Variants in ALK observed in about 807,000 individuals in gnomAD.
The protein encoded by ALK is ALK tyrosine kinase receptor.
In ALK, 74 loss-of-function variants were observed where a neutral mutation model predicts 163.1. The observed-to-expected ratio is 0.45, with a 90% CI of 0.38 to 0.55. ALK has a LOEUF of 0.55. Ranked by LOEUF, ALK falls within the 20% of genes least tolerant of loss-of-function variation. ALK has a pLI of 0.00. For synonymous variants in ALK, 960 were observed against 843.2 expected (o/e 1.14, Z -2.40); for missense variants, 2,063 against 2,105.3 (o/e 0.98, Z 0.39).
At chr2:29,359,288 T>A (rs4146674) in intron 5 of ALK, among the ~76,000 whole-genome samples, 1 of 152,020 alleles carries the variant, frequency 6.6e-6, no homozygotes, top group East Asian at 1.9e-4. Context: ...TTGAAGAGGG[T>A]ATTATTCAGG....
In ALK at chr2:29,296,986, G is replaced by A. The variant is rs74830770; in HGVS notation, c.1719C>T (p.Thr573=). Residue 573 remains threonine (T), a synonymous_variant, in exon 9 of 29, where the codon ACC becomes ACT. Coordinates refer to ENST00000389048, the MANE Select transcript of ALK (RefSeq NM_004304.5). ...NVSLVLVENK[T]GKEQGRMVWH... ...AGACCATCCTGCCTTGCTCCTTCCC[G>A]GTTTTGTTCTCCACTAGCACCAAGG... 1,677 of 1,614,146 alleles carry A rather than the reference G, an allele frequency of 1.0e-3. 16 individuals carry two copies. The African/African-American group carries it at 0.019, about 18-fold the overall frequency.
At chr2:29,640,291 G>T (rs754797203) in intron 3 of ALK, among the ~76,000 whole-genome samples, 41 of 152,336 alleles carry the variant, frequency 2.7e-4, no homozygotes, top group Non-Finnish European at 1.5e-4. Flanking sequence ...GGTGGGGCTT[G>T]GTGGGGAAGG....
intron 4 of ALK, among the ~76,000 whole-genome samples, chr2:29,509,019 C>A (rs910983910): frequency 6.6e-6 from 1 of 152,034 alleles, no homozygotes; most frequent in Admixed American, 6.6e-5. Flanking sequence ...ATGTGAGTAG[C>A]GTGTGCAGGT....
intron 3 of ALK, among the ~76,000 whole-genome samples, chr2:29,591,180 AT>A (rs967280367): frequency 2.0e-5 from 3 of 150,674 alleles, no homozygotes; most frequent in Non-Finnish European, 4.4e-5. Flanking sequence ...TCATGGAATA[AT>A]TTTTTTTTCT....
intron 1 of ALK, among the ~76,000 whole-genome samples, chr2:29,775,036 G>C (rs1681132791): frequency 6.6e-6 from 1 of 152,048 alleles, no homozygotes; most frequent in South Asian, 2.1e-4. Flanking sequence ...GGGCCTAAGG[G>C]GAGAAAAGAT....
intron 1 of ALK, among the ~76,000 whole-genome samples, chr2:29,750,446 T>C (rs1421607660): frequency 6.6e-6 from 1 of 151,656 alleles, no homozygotes; most frequent in African/African-American, 2.4e-5. Context: ...GAGGACTCCT[T>C]GAGCCCAGGA....
At chr2:29,691,252 ACCT>A (rs1678387090) in intron 3 of ALK, among the ~76,000 whole-genome samples, 1 of 152,106 alleles carries the variant, frequency 6.6e-6, no homozygotes, top group African/African-American at 2.4e-5. Flanking sequence ...TGGGAGGCTG[ACCT>A]CCTCATTTCC....
At chr2:29,857,235 T>C (rs973504488) in intron 1 of ALK, among the ~76,000 whole-genome samples, 5 of 152,166 alleles carry the variant, frequency 3.3e-5, no homozygotes, top group African/African-American at 7.2e-5. Context: ...TACAAGACTA[T>C]GTGAATGGGC....
chr2:29,701,609 C>T (rs904740501), intron 2 of ALK, among the ~76,000 whole-genome samples: 2 of 152,148 alleles, frequency 1.3e-5, no homozygotes, highest in African/African-American at 4.8e-5. Context: ...CTTTCTTGTT[C>T]CTGGCAACGC....
chr2:29,624,903 G>C (rs563713426), intron 3 of ALK, among the ~76,000 whole-genome samples: 10 of 152,322 alleles, frequency 6.6e-5, no homozygotes, highest in South Asian at 6.2e-4. Flanking sequence ...CTGGTGCTGG[G>C]TGAGAATGGG....
intron 3 of ALK, among the ~76,000 whole-genome samples, chr2:29,631,459 G>C (rs1286804770): frequency 1.3e-5 from 2 of 152,178 alleles, no homozygotes; most frequent in African/African-American, 2.4e-5. Context: ...TTTAATTCTA[G>C]ATCCCATCCT....
intron 1 of ALK, among the ~76,000 whole-genome samples, chr2:29,738,623 T>A (rs1271939482): frequency 6.6e-6 from 1 of 152,010 alleles, no homozygotes; most frequent in South Asian, 2.1e-4. Flanking sequence ...TTTTTCAATG[T>A]GGGAAAAGAG....
chr2:29,904,865 T>C (rs182446584), intron 1 of ALK, among the ~76,000 whole-genome samples: 7 of 152,312 alleles, frequency 4.6e-5, no homozygotes, highest in African/African-American at 7.2e-5. Context: ...TTCCTGATGA[T>C]AATTGAGTGT....
intron 3 of ALK, among the ~76,000 whole-genome samples, chr2:29,615,437 T>C (rs1675814979): frequency 6.6e-6 from 1 of 152,218 alleles, no homozygotes; most frequent in Non-Finnish European, 1.5e-5. Context: ...GTGGTTCCCT[T>C]GTTAAAAAAT....
At chr2:29,615,362 T>C (rs1194593427) in intron 3 of ALK, among the ~76,000 whole-genome samples, 1 of 152,138 alleles carries the variant, frequency 6.6e-6, no homozygotes, top group African/African-American at 2.4e-5. Context: ...CTGTCTGGAG[T>C]CACATTCCAG....
intron 1 of ALK, among the ~76,000 whole-genome samples, chr2:29,888,041 CA>C (rs1439841855): frequency 2.0e-5 from 3 of 152,072 alleles, no homozygotes; most frequent in African/African-American, 7.2e-5. Context: ...AGAGTAAGTC[CA>C]AAAAGCTAAC....
At chr2:29,750,014 A>G (rs943389364) in intron 1 of ALK, among the ~76,000 whole-genome samples, 3 of 152,208 alleles carry the variant, frequency 2.0e-5, no homozygotes, top group Non-Finnish European at 4.4e-5. Context: ...GCCAGGAAGG[A>G]ACAGCCTAGA....
At chr2:29,898,963 A>G (rs962173523) in intron 1 of ALK, among the ~76,000 whole-genome samples, 14 of 152,120 alleles carry the variant, frequency 9.2e-5, no homozygotes, top group African/African-American at 3.4e-4. Context: ...CTTCTTGCTC[A>G]CAGAGCCTCT....
chr2:29,774,212 T>C (rs1558482432), intron 1 of ALK, among the ~76,000 whole-genome samples: 1 of 152,182 alleles, frequency 6.6e-6, no homozygotes, highest in Non-Finnish European at 1.5e-5. Context: ...CTCCCCCCTG[T>C]TGCTTTGAAA....
Sources: gnomAD v4.1 joint callset for allele counts (sites outside exome capture counted in the v4.1 genomes callset) on GRCh38, gnomAD v4.1.1 for gene constraint, MANE v1.5 for transcripts, NCBI Gene and HGNC (gene_info 2026-07-23, HGNC 2026-07-21) for gene names.